The following JOSD1 variants were observed in gnomAD, a reference collection of about 807,000 sequenced individuals.
JOSD1 encodes the protein Josephin domain containing 1.
Under a neutral mutation model 24.3 loss-of-function variants are expected in JOSD1, and 11 were observed. That is an observed-to-expected ratio of 0.45 (90% CI 0.29 to 0.75). The LOEUF is 0.75. Among genes scored for constraint, JOSD1 ranks in the 30% least tolerant of loss-of-function variants. The pLI is 0.11. For synonymous variants in JOSD1, 106 were observed against 93.8 expected (o/e 1.13, Z -0.75); for missense variants, 184 against 253.5 (o/e 0.73, Z 1.86).
At chr22:38,696,890 G>A (rs2092548310) in intron 2 of JOSD1, among the ~76,000 whole-genome samples, 1 of 152,158 alleles carries the variant, frequency 6.6e-6, no homozygotes, top group African/African-American at 2.4e-5. Flanking sequence ...CAACTGCTAG[G>A]ATGAACTTCC....
intron 2 of JOSD1, among the ~76,000 whole-genome samples, chr22:38,692,535 T>G (rs1002230205): frequency 6.6e-6 from 1 of 151,838 alleles, no homozygotes; most frequent in Non-Finnish European, 1.5e-5. Flanking sequence ...TCCCAGCACT[T>G]TGGGAGGCCG....
chr22:38,701,325 C>A (rs1603150151), upstream of JOSD1: 2 of 152,414 alleles, frequency 1.3e-5, no homozygotes, highest in Admixed American at 1.3e-4. Flanking sequence ...CCAGCGGCTG[C>A]AGTCCGCGGC....
At chr22:38,695,961 CAGG>C (rs753583484) in intron 2 of JOSD1, among the ~76,000 whole-genome samples, 27 of 152,100 alleles carry the variant, frequency 1.8e-4, no homozygotes, top group Non-Finnish European at 3.5e-4. Context: ...GAGGCTGAGG[CAGG>C]AGGATTCCTT....
rs1339462834 is a variant in JOSD1 at position 38,700,473 on chromosome 22, G to C, written c.-486C>G. On this transcript the variant is annotated 5_prime_UTR_variant, in exon 2 of 5. Coordinates refer to ENST00000683374, the MANE Select transcript of JOSD1 (RefSeq NM_001360236.2). ...GGTGACGGATAAATTTAGCGCACGAGTCGAGTAGCTAGCGCGGGCCGGCAG... is the reference window on the plus strand; with the variant it reads ...GGTGACGGATAAATTTAGCGCACGACTCGAGTAGCTAGCGCGGGCCGGCAG... 1.0e-6 allele frequency: 1 copy of C among 986,296 alleles called. No individual in the cohort carries two copies. The highest frequency in any genetic ancestry group is 4.7e-5 in the South Asian group (1 of 21,484). 61.1% of individuals were successfully genotyped at this position (986,296 alleles called of 1,614,324 possible). A position where few individuals can be genotyped will look rare whatever the true frequency, so the allele number is the denominator to read the frequency against.
At chr22:38,695,187 T>C (rs1052318457) in intron 2 of JOSD1, among the ~76,000 whole-genome samples, 1 of 152,210 alleles carries the variant, frequency 6.6e-6, no homozygotes, top group Non-Finnish European at 1.5e-5. Context: ...CTATTATTAC[T>C]ACGTGTTTGC....
At position 38,700,930 on chromosome 22, in the gene JOSD1, C is replaced by T; in HGVS notation, c.-762G>A. On this transcript the variant is annotated 5_prime_UTR_variant, in exon 1 of 5. Coordinates refer to ENST00000683374, the MANE Select transcript of JOSD1 (RefSeq NM_001360236.2). The stretch of plus-strand genomic sequence containing the variant: ...GCAGCCGGCCGCCACCTGGAGTGCG[C>T]GCCGCCAACTGGGCCGTGCGGGCGG... 1.0e-6 allele frequency: 1 copy of T among 984,594 alleles called. No homozygotes were observed. 61.0% of individuals were successfully genotyped at this position (984,594 alleles called of 1,614,324 possible).
Position 38,700,267 on chromosome 22 carries a change from C to G in JOSD1, c.-280G>C, listed in dbSNP as rs890482588. 4.5e-6 allele frequency: 5 copies of G among 1,099,892 alleles called. No homozygotes were observed. The highest frequency in any genetic ancestry group is 9.2e-5 in the Admixed American group (2 of 21,802). The allele number at this position is 1,099,892 out of a possible 1,614,324, so 68.1% of individuals were successfully genotyped here. On this transcript the variant is annotated 5_prime_UTR_variant, in exon 2 of 5. Coordinates refer to ENST00000683374, the MANE Select transcript of JOSD1 (RefSeq NM_001360236.2). Reference sequence around the variant, plus strand: ...TAAAAAAACACATAAAATGTAAGACCTTGTTTCCGTTTCCCCACCCTTCCC... The same window carrying G: ...TAAAAAAACACATAAAATGTAAGACGTTGTTTCCGTTTCCCCACCCTTCCC...
intron 2 of JOSD1, among the ~76,000 whole-genome samples, chr22:38,695,822 C>T (rs1027021925): frequency 4.6e-5 from 7 of 152,052 alleles, no homozygotes; most frequent in African/African-American, 1.4e-4. Context: ...CTTTGGGAGG[C>T]CAAGGTGGGT....
rs756718501 is a variant in JOSD1 at position 38,688,995 on chromosome 22, T to A, written c.449A>T (p.Tyr150Phe). 93 of 1,614,020 alleles carry A rather than the reference T, an allele frequency of 5.8e-5. No homozygotes were observed. The highest frequency in any genetic ancestry group is 8.3e-5 in the Admixed American group (5 of 60,004). Reference sequence around the variant, plus strand: ...CTTGAGTTTGGAGTCGAGGTTGTAGTAGGCCCCTCCCACCTCTCGAACACA... The same window carrying A: ...CTTGAGTTTGGAGTCGAGGTTGTAGAAGGCCCCTCCCACCTCTCGAACACA... The part of the protein sequence containing the change: ...WICVREVGGA[Y>F]YNLDSKLKMP... The change falls in exon 4 of 5, where the codon TAC (tyrosine) becomes TTC (phenylalanine). Residue 150 changes from tyrosine to phenylalanine, a missense_variant. Physicochemically the swap from Tyr to Phe is conservative, Grantham distance 22 (BLOSUM62 3). Coordinates refer to ENST00000683374, the MANE Select transcript of JOSD1 (RefSeq NM_001360236.2).
intron 2 of JOSD1, among the ~76,000 whole-genome samples, chr22:38,692,998 G>A (rs965099223): frequency 2.0e-5 from 3 of 151,980 alleles, no homozygotes; most frequent in Admixed American, 6.6e-5. Context: ...ACCTTAGAGC[G>A]GCGCTTCCCA....
At chr22:38,701,017 C>A, upstream of JOSD1, 1 of 974,526 alleles carries the variant, frequency 1.0e-6, no homozygotes, top group Non-Finnish European at 1.2e-6. Context: ...GAAACGCCCT[C>A]CCGCGCCGTC....
chr22:38,687,872 C>A lies in JOSD1; in HGVS notation c.*30G>T, dbSNP rs372419185. 134 of 1,481,670 alleles carry A rather than the reference C, an allele frequency of 9.0e-5. No individual in the cohort carries two copies. The highest frequency in any genetic ancestry group is 1.2e-4 in the Non-Finnish European group (127 of 1,059,608). 91.8% of individuals were successfully genotyped at this position (1,481,670 alleles called of 1,614,324 possible). A position where few individuals can be genotyped will look rare whatever the true frequency, so the allele number is the denominator to read the frequency against. On this transcript the variant is annotated 3_prime_UTR_variant, in exon 5 of 5. Coordinates refer to ENST00000683374, the MANE Select transcript of JOSD1 (RefSeq NM_001360236.2). The stretch of plus-strand genomic sequence containing the variant: ...AGCACGTCACAGAGGACTGAAGGGG[C>A]TGAGGCGAGAGGGAGGTTGGGCAGA...
chr22:38,701,109 G>T (rs544879630), upstream of JOSD1: 2 of 416,778 alleles, frequency 4.8e-6, no homozygotes, highest in South Asian at 9.9e-5. Context: ...GACGCCGGGC[G>T]TGTAGGGGCG....
upstream of JOSD1, chr22:38,701,206 AGCCGCTCCGCTCGGCGCGGCCCCTG>A: frequency 6.4e-6 from 1 of 156,660 alleles, no homozygotes; most frequent in African/African-American, 2.4e-5. Flanking sequence ...GTTGGGGTCC[AGCCGCTCCGCTCGGCGCGGCCCCTG>A]GCGGGGCGGC....
intron 2 of JOSD1, among the ~76,000 whole-genome samples, chr22:38,698,774 T>C (rs896509869): frequency 6.6e-6 from 1 of 152,200 alleles, no homozygotes; most frequent in Non-Finnish European, 1.5e-5. Flanking sequence ...ACTTCTTTTT[T>C]TGTTTTTCCG....
In JOSD1 at chr22:38,700,118, T is replaced by C. The variant is rs185814757; in HGVS notation, c.-131A>G. On this transcript the variant is annotated 5_prime_UTR_variant, in exon 2 of 5. Transcript: ENST00000683374. The stretch of plus-strand genomic sequence containing the variant: ...TTCTCTGGTGTCCATGATTTATGCT[T>C]TGTCACTGGGAGAAAAGATTGGAAT... 502 of 1,384,996 alleles carry C rather than the reference T, an allele frequency of 3.6e-4. 2 individuals carry two copies. The African/African-American group carries it at 6.7e-3, about 19-fold the overall frequency. 85.8% of individuals were successfully genotyped at this position (1,384,996 alleles called of 1,614,324 possible).
rs746062977 is a variant in JOSD1 at position 38,689,126 on chromosome 22, A to G, written c.318T>C (p.Asp106=). 22 of 1,612,856 alleles carry G rather than the reference A, an allele frequency of 1.4e-5. No homozygotes were observed. The Admixed American group carries it at 2.0e-4, about 15-fold the overall frequency. Residue 106 remains aspartate (D), a synonymous_variant, in exon 4 of 5, where the codon GAT becomes GAC. Coordinates refer to ENST00000683374, the MANE Select transcript of JOSD1 (RefSeq NM_001360236.2). ...YEAVWWDKRR[D]VGVIALTNVM... is the part of the protein sequence containing the mutation. ...CGTTAGTGAGGGCAATGACACCGAC[A>G]TCCCTGCAGGGGAGAAATGGTGGCA...
intron 2 of JOSD1, among the ~76,000 whole-genome samples, chr22:38,692,851 CCT>C (rs1376030640): frequency 6.6e-6 from 1 of 151,598 alleles, no homozygotes; most frequent in Non-Finnish European, 1.5e-5. Flanking sequence ...AGGCCTAGCC[CCT>C]GATATAATTG....
intron 2 of JOSD1, among the ~76,000 whole-genome samples, chr22:38,695,639 G>A (rs2092542680): frequency 6.6e-6 from 1 of 151,958 alleles, no homozygotes; most frequent in South Asian, 2.1e-4. Flanking sequence ...TAGAGATAGG[G>A]TCTCACTATG....
Sources: allele counts gnomAD v4.1 joint callset (sites outside exome capture counted in the v4.1 genomes callset), GRCh38; gene constraint gnomAD v4.1.1; transcripts MANE v1.5; gene names NCBI Gene and HGNC (gene_info 2026-07-23, HGNC 2026-07-21).